Variants in BPTF observed in about 807,000 individuals in gnomAD.
BPTF encodes bromodomain PHD finger transcription factor.
In BPTF, 18 loss-of-function variants were observed where a neutral mutation model predicts 292.5. The observed-to-expected ratio is 0.06, with a 90% CI of 0.04 to 0.09. The LOEUF is 0.09. BPTF is among the 10% of genes least tolerant of loss of function. The pLI is 1.00. For synonymous variants in BPTF, 1,225 were observed against 1,251.9 expected (o/e 0.98, Z 0.45); for missense variants, 2,726 against 3,498.7 (o/e 0.78, Z 5.57).
chr17:67,920,626 C>T (rs758540250), intron 13 of BPTF, among the ~76,000 whole-genome samples: 26 of 151,992 alleles, frequency 1.7e-4, no homozygotes, highest in Admixed American at 1.6e-3. Context: ...CACTGGGTGG[C>T]AAATACATAG....
At chr17:67,938,028 G>C (rs2065064219) in intron 18 of BPTF, among the ~76,000 whole-genome samples, 1 of 152,180 alleles carries the variant, frequency 6.6e-6, no homozygotes, top group East Asian at 1.9e-4. Flanking sequence ...CAGGAGAATC[G>C]CTTGAACCCA....
chr17:67,832,035 G>A (rs1293473466), intron 1 of BPTF, among the ~76,000 whole-genome samples: 6 of 151,904 alleles, frequency 3.9e-5, no homozygotes, highest in Non-Finnish European at 7.4e-5. Flanking sequence ...GACTACAGGC[G>A]CCTGCCACCA....
intron 23 of BPTF, among the ~76,000 whole-genome samples, chr17:67,948,799 C>T (rs782332468): frequency 6.6e-6 from 1 of 152,110 alleles, no homozygotes; most frequent in Non-Finnish European, 1.5e-5. Context: ...ACCATCCTGG[C>T]CAACATGGCG....
At chr17:67,980,099 CTG>C (rs1176340677) in intron 27 of BPTF, among the ~76,000 whole-genome samples, 3 of 151,876 alleles carry the variant, frequency 2.0e-5, no homozygotes, top group Non-Finnish European at 4.4e-5. Flanking sequence ...AATCCTAACA[CTG>C]TGGGAGGCTG....
intron 17 of BPTF, among the ~76,000 whole-genome samples, 158 bp from the exon 18 acceptor site, chr17:67,931,753 G>A (rs1054711733): frequency 6.6e-6 from 1 of 152,090 alleles, no homozygotes; most frequent in Non-Finnish European, 1.5e-5. Flanking sequence ...TCTTTATTCT[G>A]ATGTTTAATA....
chr17:67,860,013 T>C lies in BPTF; in HGVS notation c.1436+5251T>C, dbSNP rs572160180. On this transcript the variant is annotated intron_variant, in intron 2 of 27. Coordinates refer to ENST00000306378, the MANE Select transcript of BPTF (RefSeq NM_182641.4). ...TCTTAGTGGAACAGTAAAATACTTA[T>C]GTTTGTCAATAAAACTGTTCATTTA... 2.6e-4 allele frequency among the ~76,000 whole-genome samples: 40 copies of C among 152,356 alleles called. 2 individuals carry two copies. The South Asian group carries it at 6.6e-3, about 25-fold the overall frequency.
At chr17:67,888,862 G>A (rs73995052) in intron 4 of BPTF, among the ~76,000 whole-genome samples, 1,716 of 152,220 alleles carry the variant, frequency 0.011, 26 homozygotes, top group African/African-American at 0.039. Context: ...TTGGGTTGCT[G>A]GGGACTTCTA....
Position 67,918,831 on chromosome 17 carries a change from A to T in BPTF, c.5421A>T (p.Thr1807=). Residue 1807 remains threonine, a synonymous_variant, in exon 12 of 28, where the codon ACA becomes ACT. Transcript: ENST00000306378. ...AGGCTCCTCCAGGAGGAGGGACTAC[A>T]CGGACAGGTAAGGGGGAAGGGAGTT... ...AAKAPPGGGT[T]RTETSETEIT... The T allele has an allele frequency of 3.7e-6, 6 of 1,613,200 alleles. No homozygotes were observed. The highest frequency in any genetic ancestry group is 5.1e-6 in the Non-Finnish European group (6 of 1,179,360).
intron 16 of BPTF, 57 bp downstream of exon 16, chr17:67,928,658 C>G: frequency 1.3e-6 from 2 of 1,501,822 alleles, no homozygotes; most frequent in Non-Finnish European, 1.8e-6. Flanking sequence ...GAATTTTCAA[C>G]CCTTTAGCTA....
At chr17:67,886,385 G>T in intron 4 of BPTF, 1 of 1,115,828 alleles carries the variant, frequency 9.0e-7, no homozygotes, top group Non-Finnish European at 1.2e-6. Flanking sequence ...TTGTGTGTGT[G>T]TGTGTGGTTT....
intron 1 of BPTF, among the ~76,000 whole-genome samples, chr17:67,853,222 A>G (rs2058515161): frequency 6.6e-6 from 1 of 152,246 alleles, no homozygotes; most frequent in South Asian, 2.1e-4. Context: ...TGGACATCAC[A>G]TCTCATAATT....
At chr17:67,958,640 A>G (rs2067172533) in intron 23 of BPTF, among the ~76,000 whole-genome samples, 1 of 151,764 alleles carries the variant, frequency 6.6e-6, no homozygotes, top group South Asian at 2.1e-4. Flanking sequence ...GAGGCAGGAG[A>G]ATCACTTGAA....
intron 17 of BPTF, 72 bp downstream of exon 17, chr17:67,929,559 CA>C: frequency 6.7e-7 from 1 of 1,498,572 alleles, no homozygotes. Context: ...TGACTTCTTC[CA>C]AGATTAATCC....
chr17:67,956,334 A>AAC (rs2066938489), intron 23 of BPTF: 1 of 150,764 alleles, frequency 6.6e-6, no homozygotes, highest in Non-Finnish European at 1.5e-5. Flanking sequence ...AAAAAAAAAA[A>AAC]AAAGACAGGG....
intron 24 of BPTF, among the ~76,000 whole-genome samples, chr17:67,961,452 A>G (rs9899520): frequency 0.67 from 99,797 of 148,380 alleles, 35,138 homozygotes; most frequent in Non-Finnish European, 0.8. Context: ...AGTCCTGAAC[A>G]TCCTTCCAGA....
In BPTF at chr17:67,862,225, C is replaced by T. The variant is rs551352736; in HGVS notation, c.1437-4239C>T. ...TCCCGACCTCAGGTAATCCACCTGC[C>T]TCGGACTCCGAAAGTGCTGGGATTA... On this transcript the variant is annotated intron_variant, in intron 2 of 27. Coordinates refer to ENST00000306378, the MANE Select transcript of BPTF (RefSeq NM_182641.4). Among the ~76,000 whole-genome samples the T allele has an allele frequency of 6.6e-5, 10 of 152,300 alleles. No individual in the cohort carries two copies. In the East Asian group the frequency reaches 1.2e-3, roughly 18 times the overall value.
At chr17:67,942,301 T>G (rs931488862) in intron 19 of BPTF, among the ~76,000 whole-genome samples, 11 of 130,474 alleles carry the variant, frequency 8.4e-5, no homozygotes, top group African/African-American at 2.9e-4. Flanking sequence ...GGCAACAGAC[T>G]CCGTCTCAAA....
intron 18 of BPTF, among the ~76,000 whole-genome samples, chr17:67,936,038 C>G (rs2064887237): frequency 6.6e-6 from 1 of 152,050 alleles, no homozygotes; most frequent in South Asian, 2.1e-4. Context: ...TTACCTATAG[C>G]AAGGAATTAC....
Position 67,968,073 on chromosome 17 carries a change from T to G in BPTF, c.8539+1417T>G, listed in dbSNP as rs117867933. On this transcript the variant is annotated intron_variant, in intron 26 of 27. Coordinates refer to ENST00000306378, the MANE Select transcript of BPTF (RefSeq NM_182641.4). ...TGGTAATAGGAGCCACGAGTAATCG[T>G]ATCAACACGAATGGCTACAAATGAT... is the stretch of plus-strand genomic sequence containing the variant. 8.4e-3 allele frequency among the ~76,000 whole-genome samples: 1,274 copies of G among 151,580 alleles called. 21 individuals carry two copies. The highest frequency in any genetic ancestry group is 0.021 in the South Asian group (99 of 4,826).
Sources: allele counts gnomAD v4.1 joint callset (sites outside exome capture counted in the v4.1 genomes callset), GRCh38; gene constraint gnomAD v4.1.1; transcripts MANE v1.5; gene names NCBI Gene and HGNC (gene_info 2026-07-23, HGNC 2026-07-21).